ATG14: variants seen among roughly 807,000 people sequenced by gnomAD.
ATG14 encodes autophagy related 14.
Under a neutral mutation model 60.4 loss-of-function variants are expected in ATG14, and 35 were observed. The ratio of observed to expected loss-of-function variants is 0.58; its 90% CI spans 0.44 to 0.77. The LOEUF is 0.77. Among genes scored for constraint, ATG14 ranks in the 30% least tolerant of loss-of-function variants. The pLI, the probability that ATG14 is intolerant of heterozygous loss-of-function variation, is 0.00. For missense variants in ATG14, 647 were observed against 626.3 expected (o/e 1.03, Z -0.35); for synonymous variants, 234 against 228.8 (o/e 1.02, Z -0.21).
chr14:55,411,521 G>A (rs995381682), intron 1 of ATG14, 81 bp downstream of exon 1: 25 of 1,373,402 alleles, frequency 1.8e-5, no homozygotes, highest in Non-Finnish European at 2.5e-5. Context: ...CCCGGACGGG[G>A]AGCCCCAGGT....
rs576450358 is a variant in ATG14, at chr14:55,406,787, A to G, written c.221+4815T>C. ...TGGAGAGTTAGGTGAAGCTGACCTA[A>G]GCAGACCACTGTGACAGTCCTGTTA... On this transcript the variant is annotated intron_variant, in intron 1 of 9. Coordinates refer to ENST00000247178, the MANE Select transcript of ATG14 (RefSeq NM_014924.5). Among the ~76,000 whole-genome samples the G allele has an allele frequency of 1.2e-4, 19 of 152,306 alleles. 1 individual carries two copies. The East Asian group carries it at 3.3e-3, about 26-fold the overall frequency.
At chr14:55,378,923 GTCTC>G (rs1420802473) in intron 7 of ATG14, among the ~76,000 whole-genome samples, 12 of 152,002 alleles carry the variant, frequency 7.9e-5, no homozygotes, top group African/African-American at 2.7e-4. Context: ...TCCCAGGCTG[GTCTC>G]TAACTCCTGA....
At chr14:55,370,542 C>T (rs546057506) in intron 9 of ATG14, among the ~76,000 whole-genome samples, 8 of 152,032 alleles carry the variant, frequency 5.3e-5, no homozygotes, top group Non-Finnish European at 1.0e-4. Context: ...CTAATAACAC[C>T]CTCACTGCCA....
At chr14:55,400,329 G>T (rs961843338) in intron 1 of ATG14, among the ~76,000 whole-genome samples, 1 of 152,158 alleles carries the variant, frequency 6.6e-6, no homozygotes, top group Admixed American at 6.5e-5. Flanking sequence ...GTTTTTAAAA[G>T]TGTGTGTAGG....
rs1319901768 is a variant in ATG14, at chr14:55,368,475, C to T, written c.*1144G>A. Reference sequence around the variant, plus strand: ...CCTCAAGTGATCCGCCTGCCTCGGCCTCCTAAAGTGCTGGGATTACAGGCG... The same window carrying T: ...CCTCAAGTGATCCGCCTGCCTCGGCTTCCTAAAGTGCTGGGATTACAGGCG... On this transcript the variant is annotated 3_prime_UTR_variant, in exon 10 of 10. Coordinates refer to ENST00000247178, the MANE Select transcript of ATG14 (RefSeq NM_014924.5). The T allele has an allele frequency of 1.3e-5, 2 of 152,368 alleles. No individual in the cohort carries two copies. Among genetic ancestry groups the T allele is most frequent in the East Asian group, 3.8e-4 (2 of 5,206 alleles). The allele number at this position is 152,368 out of a possible 1,614,324, so 9.4% of individuals were successfully genotyped here. A position where few individuals can be genotyped will look rare whatever the true frequency, so the allele number is the denominator to read the frequency against.
intron 6 of ATG14, among the ~76,000 whole-genome samples, chr14:55,381,073 C>T (rs980669413): frequency 1.3e-5 from 2 of 151,800 alleles, no homozygotes; most frequent in African/African-American, 2.4e-5. Context: ...TCCTCTGTAC[C>T]CCATCCTGCC....
At chr14:55,372,087 C>G (rs1051453906) in intron 9 of ATG14, among the ~76,000 whole-genome samples, 1 of 152,148 alleles carries the variant, frequency 6.6e-6, no homozygotes, top group African/African-American at 2.4e-5. Context: ...TCTCCTAGCG[C>G]CACTCCCAAA....
chr14:55,391,037 G>T, intron 3 of ATG14, 45 bp from the exon 4 acceptor site: 1 of 1,333,702 alleles, frequency 7.5e-7, no homozygotes, highest in South Asian at 1.3e-5. Context: ...GGTCTCTTAT[G>T]GTTAATATGA....
chr14:55,374,785 G>A (rs1412744663), intron 9 of ATG14, among the ~76,000 whole-genome samples: 5 of 152,040 alleles, frequency 3.3e-5, no homozygotes, highest in African/African-American at 7.3e-5. Context: ...CTGATTCAAC[G>A]CCTCCTCTAT....
At chr14:55,398,326 TTTTTG>T (rs1885348555) in intron 1 of ATG14, among the ~76,000 whole-genome samples, 1 of 152,186 alleles carries the variant, frequency 6.6e-6, no homozygotes. Flanking sequence ...TTTGTTTTTG[TTTTTG>T]TTTTCTTTTT....
At chr14:55,391,602 C>T (rs578209763) in intron 3 of ATG14, among the ~76,000 whole-genome samples, 1 of 152,210 alleles carries the variant, frequency 6.6e-6, no homozygotes, top group African/African-American at 2.4e-5. Context: ...TAGCTACTAG[C>T]CACATGTGGT....
Position 55,380,661 on chromosome 14 carries a change from T to C in ATG14, c.907A>G (p.Ile303Val), listed in dbSNP as rs1261154563. 1 of 1,611,542 alleles carries C rather than the reference T, an allele frequency of 6.2e-7. No individual in the cohort carries two copies. The highest frequency in any genetic ancestry group is 1.7e-5 in the Admixed American group (1 of 59,584). ...DMEQSNPAYTISAALCYATQL... is the reference protein window; with the variant it reads ...DMEQSNPAYTVSAALCYATQL... ...GTTGCATAGCACAGCGCAGCACTGA[T>C]GGTGTAGGCAGGGTTACTCTGCTCC... The change falls in exon 7 of 10, where the codon ATC (isoleucine) becomes GTC (valine). Residue 303 changes from isoleucine (I) to valine (V), a missense_variant. By Grantham distance (29) the Ile-to-Val change is conservative. Coordinates refer to ENST00000247178, the MANE Select transcript of ATG14 (RefSeq NM_014924.5).
Position 55,369,533 on chromosome 14 carries a change from C to G in ATG14, c.*86G>C. On this transcript the variant is annotated 3_prime_UTR_variant, in exon 10 of 10. Coordinates refer to ENST00000247178, the MANE Select transcript of ATG14 (RefSeq NM_014924.5). ...TTAACCTCTTTGTTCCAGACACTAT[C>G]TTAACTTAAACAGAAAATGTTTACT... The G allele has an allele frequency of 7.9e-7, 1 of 1,268,154 alleles. No individual in the cohort carries two copies. Among genetic ancestry groups the G allele is most frequent in the East Asian group, 2.4e-5 (1 of 41,884 alleles). The allele number at this position is 1,268,154 out of a possible 1,614,324, so 78.6% of individuals were successfully genotyped here. A position where few individuals can be genotyped will look rare whatever the true frequency, so the allele number is the denominator to read the frequency against.
rs549655709 is a variant in ATG14 at position 55,407,215 on chromosome 14, G to A, written c.221+4387C>T. On this transcript the variant is annotated intron_variant, in intron 1 of 9. Transcript: ENST00000247178. ...GTGATCTTGGCTCACTGCAACCTCCGCCTCCCGGGTTCAGGCAAGTCTCCT... is the reference window on the plus strand; with the variant it reads ...GTGATCTTGGCTCACTGCAACCTCCACCTCCCGGGTTCAGGCAAGTCTCCT... Among the ~76,000 whole-genome samples, 14 of 152,172 alleles carry A rather than the reference G, an allele frequency of 9.2e-5. No homozygotes were observed. In the South Asian group the frequency reaches 2.9e-3, roughly 32 times the overall value.
In ATG14 at chr14:55,402,965, AT is replaced by A. The variant is rs1566585802; in HGVS notation, c.222-5532del. 2.5e-3 allele frequency among the ~76,000 whole-genome samples: 189 copies of A among 76,462 alleles called. 13 individuals carry two copies. Among genetic ancestry groups the A allele is most frequent in the Admixed American group, 0.017 (113 of 6,536 alleles). 50.2% of individuals were successfully genotyped at this position (76,462 alleles called of 152,430 possible). A position where few individuals can be genotyped will look rare whatever the true frequency, so the allele number is the denominator to read the frequency against. ...TATATATATATATATATATATATAT[AT>A]ATAAATAGCTGGGCATAGTGGTGCA... On this transcript the variant is annotated intron_variant, in intron 1 of 9. Coordinates refer to ENST00000247178, the MANE Select transcript of ATG14 (RefSeq NM_014924.5).
At chr14:55,411,180 TTTGA>T (rs769163303) in intron 1 of ATG14, among the ~76,000 whole-genome samples, 1 of 152,252 alleles carries the variant, frequency 6.6e-6, no homozygotes, top group Non-Finnish European at 1.5e-5. Flanking sequence ...AAAGCAGTTA[TTTGA>T]TTCTCTTCTA....
chr14:55,393,340 G>A (rs753014438), intron 3 of ATG14, among the ~76,000 whole-genome samples: 86 of 151,716 alleles, frequency 5.7e-4, no homozygotes, highest in Non-Finnish European at 1.1e-3. Context: ...AGCCGAGATC[G>A]CGCCACTGCA....
intron 2 of ATG14, among the ~76,000 whole-genome samples, chr14:55,396,989 C>G (rs1194400751): frequency 6.6e-6 from 1 of 152,162 alleles, no homozygotes; most frequent in Admixed American, 6.5e-5. Context: ...AATGTGCAGA[C>G]CATATGTTGT....
chr14:55,377,088 T>C (rs958561325), intron 9 of ATG14, among the ~76,000 whole-genome samples: 4 of 152,196 alleles, frequency 2.6e-5, no homozygotes, highest in African/African-American at 9.7e-5. Flanking sequence ...GGCTCAAGCC[T>C]GTAATCCCAG....
Sources: gnomAD v4.1 joint callset for allele counts (sites outside exome capture counted in the v4.1 genomes callset) on GRCh38, gnomAD v4.1.1 for gene constraint, MANE v1.5 for transcripts, NCBI Gene and HGNC (gene_info 2026-07-23, HGNC 2026-07-21) for gene names.